SMYD4: variants seen among roughly 807,000 people sequenced by gnomAD.
SMYD4 encodes SET and MYND domain containing 4, also known as protein-lysine N-methyltransferase SMYD4.
In SMYD4, 68 loss-of-function variants were observed where a neutral mutation model predicts 72.8. The ratio of observed to expected loss-of-function variants is 0.93; its 90% CI spans 0.77 to 1.14. The LOEUF is 1.14. Ranked by LOEUF, SMYD4 falls within the 50% of genes most tolerant of loss-of-function variation. The pLI is 0.00. For missense variants in SMYD4, 984 were observed against 1,003.7 expected (o/e 0.98, Z 0.27); for synonymous variants, 407 against 388.6 (o/e 1.05, Z -0.56).
intron 3 of SMYD4, among the ~76,000 whole-genome samples, chr17:1,808,412 G>A (rs897259249): frequency 2.6e-5 from 4 of 152,122 alleles, no homozygotes; most frequent in Admixed American, 6.6e-5. Flanking sequence ...AAAGAAAAAC[G>A]TATTTTCGGA....
rs922797648 is a variant in SMYD4 at position 1,828,194 on chromosome 17, C to CA, written c.-12-189dup. On this transcript the variant is annotated intron_variant, in intron 1 of 10. Transcript: ENST00000305513. ...TGAAACCCCGTCTCTACTAAAACTACAAAAAAATTAGCCAGGTGTGGTGGC... is the reference window on the plus strand; with the variant it reads ...TGAAACCCCGTCTCTACTAAAACTACAAAAAAAATTAGCCAGGTGTGGTGGC... 5.9e-5 allele frequency among the ~76,000 whole-genome samples: 9 copies of CA among 151,868 alleles called. No homozygotes were observed. In the East Asian group the frequency reaches 7.8e-4, roughly 13 times the overall value.
intron 7 of SMYD4, 107 bp from the exon 8 acceptor site, chr17:1,784,568 G>C (rs1187006941): frequency 9.2e-6 from 14 of 1,525,062 alleles, no homozygotes; most frequent in Non-Finnish European, 1.2e-5. Flanking sequence ...ATGGGGGAAA[G>C]AGACTCCTGT....
At chr17:1,812,228 G>A in intron 2 of SMYD4, 113 bp from the exon 3 acceptor site, 2 of 1,170,158 alleles carry the variant, frequency 1.7e-6, no homozygotes, top group Non-Finnish European at 2.4e-6. Flanking sequence ...TCACACACAT[G>A]AGGATATGTA....
Position 1,786,834 on chromosome 17 carries a change from G to C in SMYD4, c.1860C>G (p.Cys620Trp). 6.2e-7 allele frequency: 1 copy of C among 1,614,186 alleles called. No homozygotes were observed. Among genetic ancestry groups the C allele is most frequent in the Non-Finnish European group, 8.5e-7 (1 of 1,180,034 alleles). Residue 620 changes from cysteine (C) to tryptophan (W), a missense_variant, in exon 7 of 11, where the codon TGC becomes TGG. Transcript: ENST00000305513. ...AAGPRWEAFCCNSCGAPMQGD... is the reference protein window; with the variant it reads ...AAGPRWEAFCWNSCGAPMQGD... ...CCTGCATGGGCGCTCCGCAACTGTT[G>C]CAACAGAATGCTTCCCACCTGGGCC...
At chr17:1,829,348 CCCTGGCTTATGGAGTCCA>C (rs1911396562) in intron 1 of SMYD4, 1 of 152,340 alleles carries the variant, frequency 6.6e-6, no homozygotes, top group Non-Finnish European at 1.5e-5. Flanking sequence ...ACCAACCCTA[CCCTGGCTTATGGAGTCCA>C]CCTGGAAAAT....
intron 3 of SMYD4, among the ~76,000 whole-genome samples, chr17:1,808,611 A>T (rs1910166641): frequency 6.6e-6 from 1 of 152,228 alleles, no homozygotes; most frequent in South Asian, 2.1e-4. Context: ...AAAATTGCAG[A>T]GTACCATAAT....
Position 1,781,455 on chromosome 17 carries a change from TAAGAGGAG to T in SMYD4, c.2262-24_2262-17del. ...TACTGCAAACCTGAGCCAAGGGAGG[TAAGAGGAG>T]TTAGTTCACTGATTTGTGAGGCAAA... On this transcript the variant is annotated splice_polypyrimidine_tract_variant and intron_variant, in intron 10 of 10. Transcript: ENST00000305513. The T allele has an allele frequency of 1.2e-6, 2 of 1,610,072 alleles. No individual in the cohort carries two copies. The highest frequency in any genetic ancestry group is 1.7e-6 in the Non-Finnish European group (2 of 1,178,592).
intron 5 of SMYD4, among the ~76,000 whole-genome samples, chr17:1,791,760 G>A (rs561075906): frequency 9.9e-4 from 150 of 152,128 alleles, no homozygotes; most frequent in African/African-American, 3.4e-3. Flanking sequence ...AGTGGCTCAC[G>A]CCTGTAATCC....
chr17:1,790,978 T>A (rs551721180), intron 5 of SMYD4, among the ~76,000 whole-genome samples: 1 of 151,272 alleles, frequency 6.6e-6, no homozygotes, highest in Non-Finnish European at 1.5e-5. Flanking sequence ...TACAAAAAAA[T>A]TAGCCGGGCA....
intron 2 of SMYD4, among the ~76,000 whole-genome samples, chr17:1,824,355 A>C (rs1220263087): frequency 6.6e-6 from 1 of 152,180 alleles, no homozygotes; most frequent in Non-Finnish European, 1.5e-5. Flanking sequence ...AAGAAAAATA[A>C]TACTAATAAA....
At chr17:1,799,779 C>A in intron 5 of SMYD4, 78 bp downstream of exon 5, 1 of 1,371,790 alleles carries the variant, frequency 7.3e-7, no homozygotes, top group Non-Finnish European at 9.7e-7. Context: ...TCCTATTTTC[C>A]TTTGGAATTG....
intron 1 of SMYD4, chr17:1,829,369 TG>T: frequency 6.6e-6 from 1 of 152,484 alleles, no homozygotes. Flanking sequence ...GGAGTCCACC[TG>T]GAAAATTCCC....
At chr17:1,807,117 T>C (rs575848594) in intron 3 of SMYD4, among the ~76,000 whole-genome samples, 1 of 152,186 alleles carries the variant, frequency 6.6e-6, no homozygotes, top group East Asian at 1.9e-4. Context: ...CTTGAACTCC[T>C]GACCTCAGGT....
chr17:1,803,493 C>T (rs973372270), intron 4 of SMYD4, among the ~76,000 whole-genome samples: 8 of 152,148 alleles, frequency 5.3e-5, no homozygotes, highest in African/African-American at 1.7e-4. Flanking sequence ...TCCCATAGCT[C>T]GCTCTTTCCT....
intron 2 of SMYD4, among the ~76,000 whole-genome samples, chr17:1,824,650 TG>T (rs1255450971): frequency 1.3e-5 from 2 of 152,062 alleles, no homozygotes; most frequent in African/African-American, 2.4e-5. Context: ...GATGGAGTCT[TG>T]CTCTGTTGCC....
chr17:1,826,826 A>AT (rs34695137), intron 2 of SMYD4, among the ~76,000 whole-genome samples: 2 of 152,144 alleles, frequency 1.3e-5, no homozygotes, highest in African/African-American at 2.4e-5. Flanking sequence ...CTAACCACTT[A>AT]TTTTTTGACA....
At chr17:1,787,058 G>A in intron 6 of SMYD4, 85 bp from the exon 7 acceptor site, 1 of 1,495,120 alleles carries the variant, frequency 6.7e-7, no homozygotes, top group Non-Finnish European at 9.1e-7. Context: ...CAGAGGGTCT[G>A]GACAATTACC....
chr17:1,802,913 G>A (rs190263039), intron 4 of SMYD4, among the ~76,000 whole-genome samples: 73 of 152,308 alleles, frequency 4.8e-4, no homozygotes, highest in Middle Eastern at 3.4e-3. Context: ...CAGCACTTTG[G>A]GAGGCTGAGG....
At chr17:1,816,328 A>T (rs1348412491) in intron 2 of SMYD4, among the ~76,000 whole-genome samples, 5 of 151,360 alleles carry the variant, frequency 3.3e-5, no homozygotes, top group Admixed American at 6.6e-5. Context: ...ATTTAAAAAA[A>T]TTTTTTTTTG....
Sources: gnomAD v4.1 joint callset for allele counts (sites outside exome capture counted in the v4.1 genomes callset) on GRCh38, gnomAD v4.1.1 for gene constraint, MANE v1.5 for transcripts, NCBI Gene and HGNC (gene_info 2026-07-23, HGNC 2026-07-21) for gene names.